ANK3: variants seen among roughly 807,000 people sequenced by gnomAD.
ANK3 encodes the protein ankyrin-3.
ANK3 carries 57 observed loss-of-function variants against 370.9 expected under a neutral mutation model. That is an observed-to-expected ratio of 0.15 (90% confidence interval 0.12 to 0.19). The LOEUF (loss-of-function observed/expected upper bound fraction) is 0.19. Among genes scored for constraint, ANK3 ranks in the 10% least tolerant of loss-of-function variants. The pLI, the probability that ANK3 is intolerant of heterozygous loss-of-function variation, is 1.00. For missense variants in ANK3, 4,439 were observed against 5,302.1 expected, an observed-to-expected ratio of 0.84 and a Z score of 5.06; for synonymous variants, 1,929 against 1,946.3, an observed-to-expected ratio of 0.99 and a Z score of 0.23.
At chr10:60,543,228 T>G (rs901856449) in intron 2 of ANK3, among the ~76,000 whole-genome samples, 6 of 151,940 alleles carry the variant, frequency 3.9e-5, no homozygotes. Context: ...ATGGGACAAT[T>G]TGGGGGATAC....
At chr10:60,500,124 G>A (rs929905555) in intron 2 of ANK3, among the ~76,000 whole-genome samples, 7 of 152,172 alleles carry the variant, frequency 4.6e-5, no homozygotes, top group Non-Finnish European at 8.8e-5. Flanking sequence ...CCTTGGCTTG[G>A]TTGATGTCAG....
Position 60,034,589 on chromosome 10 carries a change from C to T in ANK3, c.*20-4763G>A, listed in dbSNP as rs189343641. 4.6e-5 allele frequency among the ~76,000 whole-genome samples: 7 copies of T among 152,198 alleles called. No homozygotes were observed. In the East Asian group the frequency reaches 1.4e-3, roughly 29 times the overall value. ...TCTGATTATCATCTGTGGCTAATTC[C>T]TCTTCTACCCTTCAAATTTGTTTCA... On this transcript the variant is annotated intron_variant, in intron 43 of 43. Coordinates refer to ENST00000280772, the MANE Select transcript of ANK3 (RefSeq NM_020987.5).
chr10:60,163,331 G>A (rs1407415557), intron 23 of ANK3, among the ~76,000 whole-genome samples: 1 of 152,122 alleles, frequency 6.6e-6, no homozygotes, highest in African/African-American at 2.4e-5. Context: ...CTGACCCTCT[G>A]AGGAGCTCTG....
intron 1 of ANK3, among the ~76,000 whole-genome samples, chr10:60,615,508 A>G (rs2078256536): frequency 6.6e-6 from 1 of 152,216 alleles, no homozygotes; most frequent in African/African-American, 2.4e-5. Context: ...AAATTGTGCC[A>G]GATACATTAA....
chr10:60,250,557 G>A (rs2097644250), intron 7 of ANK3, among the ~76,000 whole-genome samples: 1 of 152,014 alleles, frequency 6.6e-6, no homozygotes, highest in African/African-American at 2.4e-5. Flanking sequence ...AGTAGAGACG[G>A]AGTTTCACCA....
At chr10:60,592,017 C>T (rs1320098872) in intron 2 of ANK3, among the ~76,000 whole-genome samples, 1 of 152,084 alleles carries the variant, frequency 6.6e-6, no homozygotes, top group Admixed American at 6.5e-5. Flanking sequence ...TTTGATAGCA[C>T]AACAGGGTGA....
At chr10:60,600,175 A>G (rs1301171203) in intron 2 of ANK3, among the ~76,000 whole-genome samples, 1 of 152,190 alleles carries the variant, frequency 6.6e-6, no homozygotes, top group Admixed American at 6.6e-5. Context: ...TCCAAGTGCT[A>G]GGAGATAGTG....
chr10:60,082,442 A>T (rs112400607), intron 34 of ANK3, 173 bp downstream of exon 34: 3 of 907,196 alleles, frequency 3.3e-6, no homozygotes, highest in African/African-American at 1.7e-5. Flanking sequence ...CATCATACAA[A>T]CTATAAGAAT....
rs537814338 is a variant in ANK3, at chr10:60,645,760, AT to A, written c.58-30537del. ...GAAAAAAGAAAATAATAAAAAAAAA[AT>A]GTTTCTGAAGTTCCTGAGGCATTTA... On this transcript the variant is annotated intron_variant, in intron 1 of 43. Transcript: ENST00000373827. 2.8e-3 allele frequency among the ~76,000 whole-genome samples: 420 copies of A among 152,162 alleles called. 2 individuals are homozygous for A. The highest frequency in any genetic ancestry group is 1.0e-2 in the African/African-American group (414 of 41,524).
intron 4 of ANK3, among the ~76,000 whole-genome samples, chr10:60,270,971 T>C (rs1271190162): frequency 6.6e-6 from 1 of 152,192 alleles, no homozygotes; most frequent in African/African-American, 2.4e-5. Context: ...AGTTTGAATG[T>C]GTCTGTGTGC....
At chr10:60,166,728 T>C (rs2095634113) in intron 22 of ANK3, 75 bp from the exon 23 acceptor site, 3 of 1,586,168 alleles carry the variant, frequency 1.9e-6, no homozygotes, top group East Asian at 2.2e-5. Flanking sequence ...CGTTTCAATA[T>C]TCCTGATAAA....
chr10:60,173,068 CA>C lies in ANK3; in HGVS notation c.2283+19del, dbSNP rs760590683. On this transcript the variant is annotated intron_variant, in intron 19 of 43. Transcript: ENST00000280772. ...CAAAAATAAATGATTCTGGCAGAAA[CA>C]AAAAAGGAAGGAGCTTACCTTTGTT... is the stretch of plus-strand genomic sequence containing the variant. 2 of 1,606,352 alleles carry C rather than the reference CA, an allele frequency of 1.2e-6. 1 individual carries two copies.
At chr10:60,144,292 T>C (rs1416985462) in intron 23 of ANK3, 2 of 378,658 alleles carry the variant, frequency 5.3e-6, no homozygotes, top group African/African-American at 2.2e-5. Flanking sequence ...TTGCCTAATG[T>C]ATCACTAATA....
chr10:60,582,128 C>T (rs542997392), intron 2 of ANK3, among the ~76,000 whole-genome samples: 13 of 151,476 alleles, frequency 8.6e-5, no homozygotes, highest in South Asian at 2.1e-4. Flanking sequence ...TCAGGGGTTG[C>T]GGGGCTAGGG....
chr10:60,580,905 G>A (rs1191881963), intron 2 of ANK3, among the ~76,000 whole-genome samples: 1 of 152,218 alleles, frequency 6.6e-6, no homozygotes, highest in African/African-American at 2.4e-5. Context: ...TAAGGGAGAA[G>A]ACAGAGTAGT....
At chr10:60,366,896 G>GGA (rs2059457629) in intron 1 of ANK3, among the ~76,000 whole-genome samples, 3 of 152,074 alleles carry the variant, frequency 2.0e-5, no homozygotes, top group Admixed American at 2.0e-4. Flanking sequence ...CCTTCTCAAA[G>GGA]CACTGTATCC....
chr10:60,189,748 G>T (rs891879936), intron 16 of ANK3, among the ~76,000 whole-genome samples: 2 of 152,166 alleles, frequency 1.3e-5, no homozygotes, highest in Non-Finnish European at 2.9e-5. Context: ...GACCTACAGG[G>T]TTTTTTCCCT....
intron 1 of ANK3, among the ~76,000 whole-genome samples, chr10:60,320,620 T>C (rs1277362379): frequency 6.6e-6 from 1 of 151,768 alleles, no homozygotes; most frequent in African/African-American, 2.4e-5. Flanking sequence ...AACAAAGCAA[T>C]ATGTTTGAAG....
chr10:60,405,730 G>T (rs887126921), intron 2 of ANK3, among the ~76,000 whole-genome samples: 1 of 152,146 alleles, frequency 6.6e-6, no homozygotes, highest in African/African-American at 2.4e-5. Context: ...TGACATCTAT[G>T]TATCGAAATA....
Sources: allele counts gnomAD v4.1 joint callset (sites outside exome capture counted in the v4.1 genomes callset), GRCh38; gene constraint gnomAD v4.1.1; transcripts MANE v1.5; gene names NCBI Gene and HGNC (gene_info 2026-07-23, HGNC 2026-07-21).